Variants in NR6A1 observed in about 807,000 individuals in gnomAD.
NR6A1 encodes nuclear receptor subfamily 6 group A member 1.
NR6A1 carries 7 observed loss-of-function variants against 59.1 expected under a neutral mutation model. That is an observed-to-expected ratio of 0.12 (90% CI 0.07 to 0.22). The LOEUF (loss-of-function observed/expected upper bound fraction) is 0.22. Among genes scored for constraint, NR6A1 ranks in the 10% least tolerant of loss-of-function variants. The pLI is 1.00. For missense variants in NR6A1, 468 were observed against 611.6 expected (o/e 0.77, Z 2.48); for synonymous variants, 243 against 236.1 (o/e 1.03, Z -0.27).
At chr9:124,534,564 G>A (rs963648933) in intron 7 of NR6A1, among the ~76,000 whole-genome samples, 1 of 152,120 alleles carries the variant, frequency 6.6e-6, no homozygotes, top group African/African-American at 2.4e-5. Flanking sequence ...TAAGGATACT[G>A]GACAGCTGGG....
At position 124,709,736 on chromosome 9, in the gene NR6A1, C is replaced by A. The variant is rs528543929; in HGVS notation, c.142+23572G>T. On this transcript the variant is annotated intron_variant, in intron 2 of 9. Transcript: ENST00000487099. ...ATCACTTGAGGTCAGGAGTTCGAGA[C>A]CAGCCTGACCAACACGGTGAAACCC... Among the ~76,000 whole-genome samples, 608 of 115,060 alleles carry A rather than the reference C, an allele frequency of 5.3e-3. 4 individuals carry two copies. Among genetic ancestry groups the A allele is most frequent in the Admixed American group, 9.8e-3 (93 of 9,528 alleles). 75.5% of individuals were successfully genotyped at this position (115,060 alleles called of 152,430 possible).
rs7039679 is a variant in NR6A1 at position 124,733,429 on chromosome 9, T to C, written c.101-80A>G. ...ACTCCAAATATGAAGTATCATACAG[T>C]TGGGGGGAAATCTATACTCAGAAGT... On this transcript the variant is annotated intron_variant, in intron 1 of 9. Coordinates refer to ENST00000487099, the MANE Select transcript of NR6A1 (RefSeq NM_033334.4). 14,492 of 1,087,928 alleles carry C rather than the reference T, an allele frequency of 0.013. 689 individuals carry two copies. The highest frequency in any genetic ancestry group is 0.12 in the African/African-American group (7,693 of 64,752). 67.4% of individuals were successfully genotyped at this position (1,087,928 alleles called of 1,614,324 possible).
chr9:124,517,666 T>C lies in NR6A1; in HGVS notation c.*5039A>G, dbSNP rs1832717580. ...TTAAAGGTGGTGTCTGTGGGAGTGGTGCTCCCTATGCCCTGGAGCACAGGA... is the reference window on the plus strand; with the variant it reads ...TTAAAGGTGGTGTCTGTGGGAGTGGCGCTCCCTATGCCCTGGAGCACAGGA... On this transcript the variant is annotated 3_prime_UTR_variant, in exon 10 of 10. Coordinates refer to ENST00000487099, the MANE Select transcript of NR6A1 (RefSeq NM_033334.4). The C allele has an allele frequency of 6.6e-6, 1 of 152,084 alleles. No individual in the cohort carries two copies. The highest frequency in any genetic ancestry group is 1.5e-5 in the Non-Finnish European group (1 of 68,036). 9.4% of individuals were successfully genotyped at this position (152,084 alleles called of 1,614,324 possible). A position where few individuals can be genotyped will look rare whatever the true frequency, so the allele number is the denominator to read the frequency against.
chr9:124,584,186 C>A (rs1834853228), intron 2 of NR6A1, among the ~76,000 whole-genome samples: 1 of 151,392 alleles, frequency 6.6e-6, no homozygotes, highest in African/African-American at 2.4e-5. Flanking sequence ...CAGCTCACTG[C>A]AACCTCCACC....
intron 2 of NR6A1, among the ~76,000 whole-genome samples, chr9:124,716,428 C>A (rs1365881373): frequency 3.3e-5 from 5 of 151,984 alleles, no homozygotes; most frequent in Admixed American, 6.6e-5. Flanking sequence ...AGAGAGGGCA[C>A]AGAAAATGTT....
rs913230 is a variant in NR6A1 at position 124,670,140 on chromosome 9, G to T, written c.142+63168C>A. The stretch of plus-strand genomic sequence containing the variant: ...CATGCCTGTAATCCCAGCACTTTGG[G>T]AAACTGAGGCAGGAGGACTGCTTGA... On this transcript the variant is annotated intron_variant, in intron 2 of 9. Transcript: ENST00000487099. Among the ~76,000 whole-genome samples, 696 of 150,260 alleles carry T rather than the reference G, an allele frequency of 4.6e-3. 6 individuals carry two copies. Among genetic ancestry groups the T allele is most frequent in the African/African-American group, 0.016 (650 of 40,804 alleles).
intron 1 of NR6A1, among the ~76,000 whole-genome samples, chr9:124,751,492 T>C (rs1172520690): frequency 6.6e-6 from 1 of 152,258 alleles, no homozygotes; most frequent in African/African-American, 2.4e-5. Flanking sequence ...CAAGGCATGC[T>C]GACAAACCTC....
At chr9:124,652,677 C>T (rs1837140422) in intron 2 of NR6A1, among the ~76,000 whole-genome samples, 1 of 152,200 alleles carries the variant, frequency 6.6e-6, no homozygotes, top group African/African-American at 2.4e-5. Context: ...TGGAGCCAGA[C>T]TCTAGATACA....
intron 3 of NR6A1, among the ~76,000 whole-genome samples, chr9:124,550,061 CTTGT>C (rs1331793925): frequency 7.9e-5 from 12 of 152,046 alleles, no homozygotes; most frequent in Admixed American, 2.0e-4. Flanking sequence ...TCAATATGGG[CTTGT>C]TTGTTTTCTC....
chr9:124,723,092 A>G, intron 2 of NR6A1, among the ~76,000 whole-genome samples: 1 of 152,154 alleles, frequency 6.6e-6, no homozygotes, highest in East Asian at 1.9e-4. Flanking sequence ...CATACTATTT[A>G]TTATACACAT....
intron 2 of NR6A1, among the ~76,000 whole-genome samples, chr9:124,727,707 C>T (rs1344434479): frequency 6.6e-6 from 1 of 152,164 alleles, no homozygotes; most frequent in Non-Finnish European, 1.5e-5. Context: ...ATTTTTAATA[C>T]AGGGTCTCGC....
intron 5 of NR6A1, 51 bp downstream of exon 5, chr9:124,539,982 C>G (rs1833391248): frequency 2.0e-6 from 3 of 1,507,720 alleles, no homozygotes; most frequent in African/African-American, 3.2e-5. Flanking sequence ...GTAGCTCTCC[C>G]TTTGGTGGGG....
intron 9 of NR6A1, among the ~76,000 whole-genome samples, 165 bp downstream of exon 9, chr9:124,524,556 C>T (rs767740183): frequency 6.6e-6 from 1 of 152,142 alleles, no homozygotes; most frequent in African/African-American, 2.4e-5. Flanking sequence ...ATGGAGAATG[C>T]AAGCTTCTCA....
At chr9:124,571,828 T>TTC (rs1834444924) in intron 2 of NR6A1, among the ~76,000 whole-genome samples, 1 of 152,162 alleles carries the variant, frequency 6.6e-6, no homozygotes, top group African/African-American at 2.4e-5. Flanking sequence ...TCTTCCATGT[T>TTC]TCTCTGTGTT....
At chr9:124,729,156 A>G (rs939855150) in intron 2 of NR6A1, among the ~76,000 whole-genome samples, 13 of 152,148 alleles carry the variant, frequency 8.5e-5, no homozygotes, top group Non-Finnish European at 1.8e-4. Context: ...AAAAATAGAG[A>G]TAAGTTGGGA....
At chr9:124,639,860 A>G (rs1304797579) in intron 2 of NR6A1, among the ~76,000 whole-genome samples, 1 of 152,224 alleles carries the variant, frequency 6.6e-6, no homozygotes, top group African/African-American at 2.4e-5. Flanking sequence ...AGTGTGTTAA[A>G]GAGAGAAAGG....
chr9:124,692,793 C>G lies in NR6A1; in HGVS notation c.142+40515G>C, dbSNP rs967515116. Among the ~76,000 whole-genome samples the G allele has an allele frequency of 4.6e-5, 7 of 152,146 alleles. 1 individual carries two copies. The highest frequency in any genetic ancestry group is 2.0e-4 in the Admixed American group (3 of 15,284). On this transcript the variant is annotated intron_variant, in intron 2 of 9. Coordinates refer to ENST00000487099, the MANE Select transcript of NR6A1 (RefSeq NM_033334.4). ...TGATATCTAATGTACCTACATGTCTCCTAGATATGCACCATTCTGGTGAGA... is the reference window on the plus strand; with the variant it reads ...TGATATCTAATGTACCTACATGTCTGCTAGATATGCACCATTCTGGTGAGA...
chr9:124,770,309 G>A (rs552406752), intron 1 of NR6A1: 2 of 152,802 alleles, frequency 1.3e-5, no homozygotes, highest in African/African-American at 4.8e-5. Context: ...TGAGGAAGGT[G>A]AGGCGCAGGG....
chr9:124,549,005 T>C (rs1476536237), intron 3 of NR6A1, among the ~76,000 whole-genome samples: 1 of 152,158 alleles, frequency 6.6e-6, no homozygotes, highest in Non-Finnish European at 1.5e-5. Context: ...AACAGAAAAG[T>C]AGGACTTGAT....
Sources: gnomAD v4.1 joint callset for allele counts (sites outside exome capture counted in the v4.1 genomes callset) on GRCh38, gnomAD v4.1.1 for gene constraint, MANE v1.5 for transcripts, NCBI Gene and HGNC (gene_info 2026-07-23, HGNC 2026-07-21) for gene names.